The following ZMYND15 variants were observed in gnomAD, a reference collection of about 807,000 sequenced individuals.
ZMYND15 encodes the protein zinc finger MYND-type containing 15.
Under a neutral mutation model 81.7 loss-of-function variants are expected in ZMYND15, and 54 were observed. The ratio of observed to expected loss-of-function variants is 0.66; its 90% CI spans 0.53 to 0.83. The LOEUF (loss-of-function observed/expected upper bound fraction) is 0.83. ZMYND15 is among the 40% of genes least tolerant of loss of function. The probability of loss-of-function intolerance (pLI) is 0.00; values close to 1 mark genes in which losing one functional copy is unlikely to be tolerated. For synonymous variants in ZMYND15, 399 were observed against 387.0 expected (o/e 1.03, Z -0.36); for missense variants, 925 against 973.5 (o/e 0.95, Z 0.66).
rs1916549521 is a variant in ZMYND15, at chr17:4,743,949, G to A, written c.1379-42G>A. 2 of 1,557,222 alleles carry A rather than the reference G, an allele frequency of 1.3e-6. No homozygotes were observed. On this transcript the variant is annotated intron_variant, in intron 7 of 13. Coordinates refer to ENST00000433935, the MANE Select transcript of ZMYND15 (RefSeq NM_001136046.3). The surrounding 1 kb of genome is among the most constrained non-coding windows in gnomAD (Gnocchi z 4.3). Reference sequence around the variant, plus strand: ...AGAGGTTTGTTAGACTAGAGGGGGTGGGGGTCCAGGGCCAGGTCCTCTAGC... The same window carrying A: ...AGAGGTTTGTTAGACTAGAGGGGGTAGGGGTCCAGGGCCAGGTCCTCTAGC...
In ZMYND15 at chr17:4,744,787, C is replaced by A; in HGVS notation, c.1837+9C>A. Reference sequence around the variant, plus strand: ...GCCTGACCTGGTTATTGGTAAAAGCCTGGGTCTCAGGGTTAGGCATGTGGG... The same window carrying A: ...GCCTGACCTGGTTATTGGTAAAAGCATGGGTCTCAGGGTTAGGCATGTGGG... On this transcript the variant is annotated intron_variant, in intron 11 of 13. Transcript: ENST00000433935. The surrounding 1 kb of genome is among the most constrained non-coding windows in gnomAD (Gnocchi z 4.1). 1 of 1,614,158 alleles carries A rather than the reference C, an allele frequency of 6.2e-7. No individual in the cohort carries two copies. The highest frequency in any genetic ancestry group is 8.5e-7 in the Non-Finnish European group (1 of 1,180,022).
Position 4,743,437 on chromosome 17 carries a change from C to T in ZMYND15, c.1279C>T (p.Leu427Phe). ...SRHPRGNTPS[L>F]SLLRGGDPYQ... ...ACACCCCCGAGGCAACACGCCATCC[C>T]TCAGCCTTCTTCGCGGTGGTGCGTG... Residue 427 changes from leucine (L) to phenylalanine (F), a missense_variant, in exon 6 of 14, where the codon CTC becomes TTC. By Grantham distance (22) the Leu-to-Phe change is conservative. Coordinates refer to ENST00000433935, the MANE Select transcript of ZMYND15 (RefSeq NM_001136046.3). This position sits in a 1 kb window ranked among gnomAD's most constrained non-coding sequence, Gnocchi z 4.3. 6.2e-7 allele frequency: 1 copy of T among 1,614,148 alleles called. No individual in the cohort carries two copies. The highest frequency in any genetic ancestry group is 8.5e-7 in the Non-Finnish European group (1 of 1,180,018).
Position 4,740,504 on chromosome 17 carries a change from C to T in ZMYND15, c.-30-15C>T, listed in dbSNP as rs1916344895. ...GCTCTCCTGTCCCTCACCATATATCCCTTCTTTTGCTCAGTCTGGGCCGGG... is the reference window on the plus strand; with the variant it reads ...GCTCTCCTGTCCCTCACCATATATCTCTTCTTTTGCTCAGTCTGGGCCGGG... On this transcript the variant is annotated splice_polypyrimidine_tract_variant and intron_variant, in intron 1 of 13. Coordinates refer to ENST00000433935, the MANE Select transcript of ZMYND15 (RefSeq NM_001136046.3). The T allele has an allele frequency of 1.3e-6, 2 of 1,529,520 alleles. No homozygotes were observed. The highest frequency in any genetic ancestry group is 2.1e-5 in the Admixed American group (1 of 48,528). 94.7% of individuals were successfully genotyped at this position (1,529,520 alleles called of 1,614,324 possible). A position where few individuals can be genotyped will look rare whatever the true frequency, so the allele number is the denominator to read the frequency against.
At chr17:4,742,219 A>C (rs534838566) in intron 4 of ZMYND15, 112 bp from the exon 5 acceptor site, 472 of 1,534,744 alleles carry the variant, frequency 3.1e-4, no homozygotes, top group Non-Finnish European at 3.9e-4. Context: ...AGGCGGTTAG[A>C]GGGTGTAAGA....
chr17:4,746,089 G>A lies in ZMYND15; in HGVS notation c.*99G>A, dbSNP rs1312157992. ...AGGACAGGTTGGTAAAACATGAAAA[G>A]GTAAATAAAATTACTTGTTTGAAAC... On this transcript the variant is annotated 3_prime_UTR_variant, in exon 14 of 14. Transcript: ENST00000433935. 5 of 1,237,286 alleles carry A rather than the reference G, an allele frequency of 4.0e-6. No homozygotes were observed. The allele number at this position is 1,237,286 out of a possible 1,614,324, so 76.6% of individuals were successfully genotyped here.
At chr17:4,741,193 C>CG in intron 2 of ZMYND15, 53 bp downstream of exon 2, 2 of 1,394,234 alleles carry the variant, frequency 1.4e-6, no homozygotes, top group South Asian at 1.8e-5. Flanking sequence ...ATCCTCCCTT[C>CG]GGAAGCCCTC....
Position 4,745,132 on chromosome 17 carries a change from C to T in ZMYND15, c.1897-83C>T, listed in dbSNP as rs1916605764. The stretch of plus-strand genomic sequence containing the variant: ...CTCCGCCCGGTCTGTCCGGGGACCT[C>T]GGCTTTCAGCCCGGTCTGTCATTCT... On this transcript the variant is annotated intron_variant, in intron 12 of 13. Coordinates refer to ENST00000433935, the MANE Select transcript of ZMYND15 (RefSeq NM_001136046.3). This position sits in a 1 kb window ranked among gnomAD's most constrained non-coding sequence, Gnocchi z 5.2. 15 of 1,606,868 alleles carry T rather than the reference C, an allele frequency of 9.3e-6. No homozygotes were observed. The highest frequency in any genetic ancestry group is 3.4e-5 in the Admixed American group (2 of 59,598).
Position 4,744,724 on chromosome 17 carries a change from G to A in ZMYND15, c.1783G>A (p.Val595Met), listed in dbSNP as rs775497179. 1.2e-6 allele frequency: 2 copies of A among 1,614,158 alleles called. No homozygotes were observed. Among genetic ancestry groups the A allele is most frequent in the South Asian group, 1.1e-5 (1 of 91,084 alleles). The change falls in exon 11 of 14, where the codon GTG (valine) becomes ATG (methionine). Residue 595 changes from valine (V) to methionine (M), a missense_variant. Physicochemically the swap from Val to Met is conservative, Grantham distance 21. Transcript: ENST00000433935. The surrounding 1 kb of genome is among the most constrained non-coding windows in gnomAD (Gnocchi z 4.1). ...KGGRRDLQIK[V>M]SARPYHLFQG... ...GGGCCGCAGGGACCTGCAGATCAAG[G>A]TGTCAGCAAGGCCCTACCACCTGTT...
intron 5 of ZMYND15, 64 bp downstream of exon 5, chr17:4,742,555 G>C (rs1217675079): frequency 3.2e-6 from 5 of 1,583,468 alleles, no homozygotes; most frequent in African/African-American, 1.3e-5. Context: ...CTGGGAATTA[G>C]ATGTCTGGGA....
At position 4,741,140 on chromosome 17, in the gene ZMYND15, G is replaced by A; in HGVS notation, c.592G>A (p.Glu198Lys). The change falls in exon 2 of 14, where the codon GAG becomes AAG. Residue 198 changes from glutamate (E) to lysine (K), a missense_variant and splice_region_variant. Transcript: ENST00000433935. ...RPQKRKGQRS[E>K]AAPLHVSCLL... ...CCAGAAGAGGAAGGGACAGAGGAGT[G>A]GTAAGAACCCAGGGCTGGCCCTGCC... is the stretch of plus-strand genomic sequence containing the variant. 3 of 1,453,072 alleles carry A rather than the reference G, an allele frequency of 2.1e-6. No individual in the cohort carries two copies. The highest frequency in any genetic ancestry group is 2.7e-6 in the Non-Finnish European group (3 of 1,097,396). The allele number at this position is 1,453,072 out of a possible 1,614,324, so 90.0% of individuals were successfully genotyped here.
At chr17:4,740,304 C>T in intron 1 of ZMYND15, 3 of 858,312 alleles carry the variant, frequency 3.5e-6, no homozygotes, top group South Asian at 3.4e-5. Context: ...GAGTAGTCTT[C>T]TCCAACCCTG....
rs756250409 is a variant in ZMYND15 at position 4,741,621 on chromosome 17, C to T, written c.632C>T (p.Thr211Met). The T allele has an allele frequency of 1.2e-5, 20 of 1,614,058 alleles. No homozygotes were observed. The East Asian group carries it at 1.3e-4, about 11-fold the overall frequency. ...PLHVSCLLLV[T>M]DEHGTILGID... is the part of the protein sequence containing the mutation. ...CACGTTTCCTGTCTCTTACTTGTGA[C>T]GGATGAGCATGGCACCATCTTGGGC... Residue 211 changes from threonine (T) to methionine (M), a missense_variant, in exon 3 of 14, where the codon ACG becomes ATG. Physicochemically the swap from Thr to Met is moderately conservative, Grantham distance 81 (BLOSUM62 -1). Transcript: ENST00000433935.
rs780202529 is a variant in ZMYND15 at position 4,742,391 on chromosome 17, G to T, written c.1044G>T (p.Arg348=). 39 of 1,614,068 alleles carry T rather than the reference G, an allele frequency of 2.4e-5. No individual in the cohort carries two copies. Among genetic ancestry groups the T allele is most frequent in the Non-Finnish European group, 3.3e-5 (39 of 1,180,038 alleles). Reference sequence around the variant, plus strand: ...CTTGTCTCCGGGCTGACTGGCAGCGGTGCCCAGATGATGTGAGTCACCGAT... The same window carrying T: ...CTTGTCTCCGGGCTGACTGGCAGCGTTGCCCAGATGATGTGAGTCACCGAT... ...GEACLRADWQ[R]CPDDVSHRFW... Residue 348 remains arginine (R), a synonymous_variant, in exon 5 of 14, where the codon CGG becomes CGT. Coordinates refer to ENST00000433935, the MANE Select transcript of ZMYND15 (RefSeq NM_001136046.3).
intron 5 of ZMYND15, 146 bp downstream of exon 5, chr17:4,742,637 G>T (rs1916477902): frequency 1.0e-5 from 12 of 1,145,874 alleles, no homozygotes; most frequent in Admixed American, 5.5e-5. Flanking sequence ...GCAGGGGCTG[G>T]GTGTTTGGGG....
rs1916600591 is a variant in ZMYND15 at position 4,745,042 on chromosome 17, C to T, written c.1896+114C>T. 1 of 1,540,320 alleles carries T rather than the reference C, an allele frequency of 6.5e-7. No individual in the cohort carries two copies. The highest frequency in any genetic ancestry group is 1.1e-5 in the South Asian group (1 of 87,944). On this transcript the variant is annotated intron_variant, in intron 12 of 13. Coordinates refer to ENST00000433935, the MANE Select transcript of ZMYND15 (RefSeq NM_001136046.3). This position sits in a 1 kb window ranked among gnomAD's most constrained non-coding sequence, Gnocchi z 5.2. Reference sequence around the variant, plus strand: ...TCTTCACCATCACCTGCTCCACAAACCTGGGGAGTGCCCACGGGTCCCCCT... The same window carrying T: ...TCTTCACCATCACCTGCTCCACAAATCTGGGGAGTGCCCACGGGTCCCCCT...
In ZMYND15 at chr17:4,741,668, G is replaced by A; in HGVS notation, c.679G>A (p.Ala227Thr). 1.2e-6 allele frequency: 2 copies of A among 1,614,128 alleles called. No homozygotes were observed. Among genetic ancestry groups the A allele is most frequent in the Non-Finnish European group, 1.7e-6 (2 of 1,179,998 alleles). Residue 227 changes from alanine (A) to threonine (T), a missense_variant, in exon 3 of 14, where the codon GCC (alanine) becomes ACC (threonine). Ala to Thr is a moderately conservative substitution (Grantham distance 58). Transcript: ENST00000433935. Reference sequence around the variant, plus strand: ...GGGCATTGATCTGCTAGTGGATGGAGCCCAGGGAACCGCAAGCTGGGGCTC... The same window carrying A: ...GGGCATTGATCTGCTAGTGGATGGAACCCAGGGAACCGCAAGCTGGGGCTC... ...ILGIDLLVDGAQGTASWGSGT... is the reference protein window; with the variant it reads ...ILGIDLLVDGTQGTASWGSGT...
rs1916554592 is a variant in ZMYND15, at chr17:4,744,055, C to T, written c.1443C>T (p.Leu481=). 2 of 1,557,296 alleles carry T rather than the reference C, an allele frequency of 1.3e-6. No individual in the cohort carries two copies. The highest frequency in any genetic ancestry group is 1.4e-5 in the African/African-American group (1 of 73,274). ...LSLDSPIAVL[L]TYPLTVYYVI... is the part of the protein sequence containing the mutation. ...TGGACTCCCCCATAGCCGTGCTTCT[C>T]ACCTACCCGCTGACCGTGTACTACG... The change falls in exon 8 of 14, where the codon CTC becomes CTT. Residue 481 remains leucine, a synonymous_variant. Transcript: ENST00000433935. The surrounding 1 kb of genome is among the most constrained non-coding windows in gnomAD (Gnocchi z 4.1).
Position 4,743,658 on chromosome 17 carries a change from C to A in ZMYND15, c.1298-109C>A. 1 of 1,306,514 alleles carries A rather than the reference C, an allele frequency of 7.7e-7. No homozygotes were observed. The highest frequency in any genetic ancestry group is 1.0e-6 in the Non-Finnish European group (1 of 953,376). 80.9% of individuals were successfully genotyped at this position (1,306,514 alleles called of 1,614,324 possible). On this transcript the variant is annotated intron_variant, in intron 6 of 13. Coordinates refer to ENST00000433935, the MANE Select transcript of ZMYND15 (RefSeq NM_001136046.3). The surrounding 1 kb of genome is among the most constrained non-coding windows in gnomAD (Gnocchi z 4.3). ...CCCCATCCCTATGCAAACCCCCATT[C>A]CTCTTACTGCGGCTGTCTCAGGGAA...
Position 4,745,367 on chromosome 17 carries a change from C to G in ZMYND15, c.2049C>G (p.Cys683Trp). ...SPFRLRAADNCMSWYCNAFIF... is the reference protein window; with the variant it reads ...SPFRLRAADNWMSWYCNAFIF... ...TTCGCCTCAGAGCGGCCGACAACTG[C>G]ATGTCCTGGTAAGGGTCTGCGACCC... Residue 683 changes from cysteine (C) to tryptophan (W), a missense_variant, in exon 13 of 14, where the codon TGC (cysteine) becomes TGG (tryptophan). Cys to Trp is a radical substitution (Grantham distance 215, BLOSUM62 -2). Transcript: ENST00000433935. This position sits in a 1 kb window ranked among gnomAD's most constrained non-coding sequence, Gnocchi z 5.2. 1.2e-6 allele frequency: 2 copies of G among 1,603,650 alleles called. No homozygotes were observed. The highest frequency in any genetic ancestry group is 1.7e-6 in the Non-Finnish European group (2 of 1,175,538).
Sources: gnomAD v4.1 joint callset for allele counts on GRCh38, gnomAD v4.1.1 for gene constraint, Gnocchi (gnomAD v3.1) non-coding constraint, MANE v1.5 for transcripts, NCBI Gene and HGNC (gene_info 2026-07-23, HGNC 2026-07-21) for gene names.